The following PIGU variants were observed in gnomAD, a reference collection of about 807,000 sequenced individuals.
PIGU encodes the protein GPI-anchor transamidase component PIGU.
Under a neutral mutation model 49.9 loss-of-function variants are expected in PIGU, and 24 were observed. The ratio of observed to expected loss-of-function variants is 0.48; its 90% CI spans 0.35 to 0.68. The LOEUF (loss-of-function observed/expected upper bound fraction) is 0.68, where lower values mean the gene tolerates loss of function less well. Ranked by LOEUF, PIGU falls within the 30% of genes least tolerant of loss-of-function variation. The pLI is 0.01. For missense variants in PIGU, 490 were observed against 532.6 expected (o/e 0.92, Z 0.79); for synonymous variants, 220 against 205.7 (o/e 1.07, Z -0.59).
chr20:34,567,500 G>A (rs1427527656), intron 11 of PIGU, among the ~76,000 whole-genome samples: 1 of 152,062 alleles, frequency 6.6e-6, no homozygotes, highest in Non-Finnish European at 1.5e-5. Context: ...AGGAAACTGA[G>A]GCCACCACCA....
In PIGU at chr20:34,560,795, G is replaced by A. The variant is rs1982458890; in HGVS notation, c.*71C>T. 2 of 1,188,462 alleles carry A rather than the reference G, an allele frequency of 1.7e-6. No homozygotes were observed. Among genetic ancestry groups the A allele is most frequent in the Non-Finnish European group, 2.3e-6 (2 of 866,770 alleles). The allele number at this position is 1,188,462 out of a possible 1,614,324, so 73.6% of individuals were successfully genotyped here. A position where few individuals can be genotyped will look rare whatever the true frequency, so the allele number is the denominator to read the frequency against. Reference sequence around the variant, plus strand: ...CAAGCACTCGCCTGCTGGCAACTCTGGCTGGAGGGCTTGGCCCAGCTTCTG... The same window carrying A: ...CAAGCACTCGCCTGCTGGCAACTCTAGCTGGAGGGCTTGGCCCAGCTTCTG... On this transcript the variant is annotated 3_prime_UTR_variant, in exon 12 of 12. Transcript: ENST00000217446.
At chr20:34,598,043 T>A (rs1006464759) in intron 7 of PIGU, among the ~76,000 whole-genome samples, 6 of 152,074 alleles carry the variant, frequency 3.9e-5, no homozygotes, top group Non-Finnish European at 4.4e-5. Context: ...CATCACTATA[T>A]ATTTTTAAAA....
chr20:34,568,294 T>TG (rs1982863405), intron 11 of PIGU, among the ~76,000 whole-genome samples: 1 of 152,068 alleles, frequency 6.6e-6, no homozygotes, highest in African/African-American at 2.4e-5. Flanking sequence ...GAAGGGCCTG[T>TG]GAGGGACAAG....
At chr20:34,641,153 G>A (rs915026731) in intron 4 of PIGU, among the ~76,000 whole-genome samples, 3 of 152,150 alleles carry the variant, frequency 2.0e-5, no homozygotes, top group Admixed American at 6.5e-5. Flanking sequence ...TCCTGACCTC[G>A]TGATCTGCCT....
chr20:34,601,217 T>C (rs1984410608), intron 7 of PIGU, among the ~76,000 whole-genome samples: 1 of 152,152 alleles, frequency 6.6e-6, no homozygotes, highest in Non-Finnish European at 1.5e-5. Context: ...ATTTTTTTTC[T>C]TGGCAAACTT....
At chr20:34,620,866 T>C (rs2146745883) in intron 6 of PIGU, among the ~76,000 whole-genome samples, 1 of 149,406 alleles carries the variant, frequency 6.7e-6, no homozygotes, top group South Asian at 2.1e-4. Context: ...AAAAAGGTCC[T>C]CAGGAAACAT....
chr20:34,632,815 C>T (rs1316847185), intron 6 of PIGU, among the ~76,000 whole-genome samples: 1 of 151,484 alleles, frequency 6.6e-6, no homozygotes, highest in Non-Finnish European at 1.5e-5. Context: ...TATACCAGGC[C>T]CAGAGAACAA....
In PIGU at chr20:34,656,146, G is replaced by T. The variant is rs1182573097; in HGVS notation, c.195+1034C>A. Reference sequence around the variant, plus strand: ...CTGCCACCATGCCCAGCTATTTTTTGTATGTTTAGTAGAGCTGGGGGTTTA... The same window carrying T: ...CTGCCACCATGCCCAGCTATTTTTTTTATGTTTAGTAGAGCTGGGGGTTTA... On this transcript the variant is annotated intron_variant, in intron 2 of 11. Transcript: ENST00000217446. Among the ~76,000 whole-genome samples the T allele has an allele frequency of 5.2e-5, 6 of 115,348 alleles. 2 individuals are homozygous for T. The highest frequency in any genetic ancestry group is 9.1e-5 in the Non-Finnish European group (5 of 54,780). The allele number at this position is 115,348 out of a possible 152,430, so 75.7% of individuals were successfully genotyped here.
At chr20:34,611,668 C>CAAAAAAAAAAAAAAAAAAAAACA (rs149027105) in intron 7 of PIGU, among the ~76,000 whole-genome samples, 2 of 106,472 alleles carry the variant, frequency 1.9e-5, no homozygotes, top group Non-Finnish European at 3.8e-5. Flanking sequence ...AAAAAAAAGA[C>CAAAAAAAAAAAAAAAAAAAAACA]AAAAAAAAAA....
chr20:34,672,579 A>T (rs1036555088), intron 1 of PIGU, among the ~76,000 whole-genome samples: 1 of 152,046 alleles, frequency 6.6e-6, no homozygotes, highest in African/African-American at 2.4e-5. Context: ...GAGGTCAGGC[A>T]TGGTGGCTCA....
At chr20:34,612,905 A>G (rs1275014510) in intron 7 of PIGU, among the ~76,000 whole-genome samples, 2 of 152,096 alleles carry the variant, frequency 1.3e-5, no homozygotes, top group East Asian at 3.9e-4. Context: ...TTACAGGTGT[A>G]AGCTACCACG....
Position 34,616,084 on chromosome 20 carries a change from G to A in PIGU, c.585C>T (p.Tyr195=), listed in dbSNP as rs777360617. 9 of 1,613,164 alleles carry A rather than the reference G, an allele frequency of 5.6e-6. No individual in the cohort carries two copies. Among genetic ancestry groups the A allele is most frequent in the Non-Finnish European group, 7.6e-6 (9 of 1,179,620 alleles). The stretch of plus-strand genomic sequence containing the variant: ...GTCCTGGGACAAACAAGGTGAGTGG[G>A]TACAGAGACTGGTATGTCGCTAAGG... The part of the protein sequence containing the change: ...FLALATYQSL[Y]PLTLFVPGLL... Residue 195 remains tyrosine, a synonymous_variant, in exon 7 of 12, where the codon TAC becomes TAT. Coordinates refer to ENST00000217446, the MANE Select transcript of PIGU (RefSeq NM_080476.5).
At chr20:34,599,341 T>TC (rs1984323595) in intron 7 of PIGU, among the ~76,000 whole-genome samples, 3 of 151,992 alleles carry the variant, frequency 2.0e-5, no homozygotes, top group Admixed American at 6.6e-5. Flanking sequence ...TAGTCCCAGC[T>TC]ACTCGGGAGG....
chr20:34,609,387 TAG>T (rs1984732419), intron 7 of PIGU, among the ~76,000 whole-genome samples: 1 of 151,752 alleles, frequency 6.6e-6, no homozygotes, highest in Non-Finnish European at 1.5e-5. Context: ...GTTTTTGAGA[TAG>T]AGTCTCACTC....
intron 7 of PIGU, among the ~76,000 whole-genome samples, chr20:34,601,021 C>CGA (rs1025488284): frequency 6.8e-6 from 1 of 147,792 alleles, no homozygotes; most frequent in African/African-American, 2.5e-5. Context: ...GCAAAAAGAA[C>CGA]GAAACTCTGT....
chr20:34,631,490 G>A (rs1049489466), intron 6 of PIGU, among the ~76,000 whole-genome samples: 4 of 150,524 alleles, frequency 2.7e-5, no homozygotes, highest in Admixed American at 6.6e-5. Flanking sequence ...AAAGACGCAT[G>A]TCCAGACATA....
intron 2 of PIGU, among the ~76,000 whole-genome samples, chr20:34,652,595 T>C (rs1986575163): frequency 6.6e-6 from 1 of 152,218 alleles, no homozygotes; most frequent in Non-Finnish European, 1.5e-5. Context: ...AAGCATTTGG[T>C]GCTATAAGTC....
intron 6 of PIGU, among the ~76,000 whole-genome samples, chr20:34,623,349 C>A (rs531451251): frequency 6.6e-6 from 1 of 152,262 alleles, no homozygotes; most frequent in East Asian, 1.9e-4. Context: ...ACGGGGCAGC[C>A]TCTCTCAGAG....
At chr20:34,665,347 G>C (rs1443778934) in intron 1 of PIGU, among the ~76,000 whole-genome samples, 1 of 150,836 alleles carries the variant, frequency 6.6e-6, no homozygotes, top group Non-Finnish European at 1.5e-5. Context: ...GGGACTACAG[G>C]CGCCCGCTAC....
Sources: gnomAD v4.1 joint callset for allele counts (sites outside exome capture counted in the v4.1 genomes callset) on GRCh38, gnomAD v4.1.1 for gene constraint, MANE v1.5 for transcripts, NCBI Gene and HGNC (gene_info 2026-07-23, HGNC 2026-07-21) for gene names.